The following HEXB variants were observed in gnomAD, a reference collection of about 807,000 sequenced individuals.
The protein encoded by HEXB is beta-hexosaminidase subunit beta.
Under a neutral mutation model 71.2 loss-of-function variants are expected in HEXB, and 51 were observed. The observed-to-expected ratio is 0.72, with a 90% CI of 0.57 to 0.90. The LOEUF (loss-of-function observed/expected upper bound fraction) is 0.90. HEXB is among the 40% of genes least tolerant of loss of function. The pLI is 0.00. For missense variants in HEXB, 617 were observed against 677.0 expected (o/e 0.91, Z 0.98); for synonymous variants, 266 against 249.3 (o/e 1.07, Z -0.63).
At chr5:74,666,402 G>T (rs1445716426) in intron 1 of HEXB, among the ~76,000 whole-genome samples, 4 of 152,238 alleles carry the variant, frequency 2.6e-5, no homozygotes, top group Non-Finnish European at 5.9e-5. Flanking sequence ...GGTCAAGTTG[G>T]CAGTGACATT....
chr5:74,691,713 A>G (rs367915320), intron 2 of HEXB, among the ~76,000 whole-genome samples: 93 of 152,336 alleles, frequency 6.1e-4, no homozygotes, highest in Middle Eastern at 6.8e-3. Flanking sequence ...AGGAAGGTAG[A>G]GGGAGTTAGG....
At chr5:74,696,365 C>T (rs1202148947) in intron 3 of HEXB, among the ~76,000 whole-genome samples, 1 of 152,022 alleles carries the variant, frequency 6.6e-6, no homozygotes, top group East Asian at 1.9e-4. Context: ...CTCATGATGC[C>T]ATAAATTTAT....
In HEXB at chr5:74,715,520, C is replaced by T. The variant is rs1198302326; in HGVS notation, c.912C>T (p.Asp304=). 6.2e-7 allele frequency: 1 copy of T among 1,608,772 alleles called. No homozygotes were observed. Among genetic ancestry groups the T allele is most frequent in the Non-Finnish European group, 8.5e-7 (1 of 1,175,224 alleles). ...AATATTTTCTTCTAGGTCAGAAAGA[C>T]CTCCTGACTCCATGTTACAGTAGAC... ...HTLSWGKGQK[D]LLTPCYSRQN... Residue 304 remains aspartate (D), a synonymous_variant, in exon 8 of 14, where the codon GAC becomes GAT. Coordinates refer to ENST00000261416, the MANE Select transcript of HEXB (RefSeq NM_000521.4).
At chr5:74,686,242 C>T (rs1748868851) in intron 1 of HEXB, among the ~76,000 whole-genome samples, 1 of 152,178 alleles carries the variant, frequency 6.6e-6, no homozygotes, top group African/African-American at 2.4e-5. Flanking sequence ...CTCTCTCACC[C>T]TTTGGCTGCA....
intron 1 of HEXB, among the ~76,000 whole-genome samples, chr5:74,651,637 C>A (rs1748112551): frequency 1.3e-5 from 2 of 152,144 alleles, no homozygotes; most frequent in Admixed American, 1.3e-4. Context: ...CCCAAATCTC[C>A]AAGCAAGGAC....
At position 74,664,430 on chromosome 5, in the gene HEXB, T is replaced by TAAA. The variant is rs397998152; in HGVS notation, c.-377+23893_-377+23895dup. Among the ~76,000 whole-genome samples, 65 of 79,648 alleles carry TAAA rather than the reference T, an allele frequency of 8.2e-4. 1 individual carries two copies. The highest frequency in any genetic ancestry group is 2.0e-3 in the African/African-American group (44 of 21,486). 52.3% of individuals were successfully genotyped at this position (79,648 alleles called of 152,430 possible). A position where few individuals can be genotyped will look rare whatever the true frequency, so the allele number is the denominator to read the frequency against. ...GGGCAATAGAGCAAGATTCTATCTCTAAAAAAAAAAAAAAAAAAAAAAACA... is the reference window on the plus strand; with the variant it reads ...GGGCAATAGAGCAAGATTCTATCTCTAAAAAAAAAAAAAAAAAAAAAAAAAACA... On this transcript the variant is annotated intron_variant, in intron 1 of 13. Transcript: ENST00000511181.
At chr5:74,712,605 C>T (rs1353259232) in intron 6 of HEXB, among the ~76,000 whole-genome samples, 1 of 152,154 alleles carries the variant, frequency 6.6e-6, no homozygotes, top group Non-Finnish European at 1.5e-5. Context: ...CAGGTCTGCT[C>T]TTCCCACCTT....
At chr5:74,665,120 C>T (rs1332964120) in intron 1 of HEXB, among the ~76,000 whole-genome samples, 1 of 151,984 alleles carries the variant, frequency 6.6e-6, no homozygotes, top group Non-Finnish European at 1.5e-5. Flanking sequence ...TAAAATGTCC[C>T]CAAATAAGAA....
intron 3 of HEXB, among the ~76,000 whole-genome samples, chr5:74,694,212 C>T (rs1395506727): frequency 6.6e-6 from 1 of 152,088 alleles, no homozygotes; most frequent in Non-Finnish European, 1.5e-5. Context: ...TTTGACCTCT[C>T]AAAAAATGTT....
At chr5:74,671,467 C>T (rs1041402518) in intron 1 of HEXB, among the ~76,000 whole-genome samples, 7 of 151,472 alleles carry the variant, frequency 4.6e-5, no homozygotes, top group Non-Finnish European at 8.8e-5. Context: ...AAAATGCAAA[C>T]TAACCTGTAG....
chr5:74,657,482 C>T (rs1039964579), intron 1 of HEXB, among the ~76,000 whole-genome samples: 14 of 152,184 alleles, frequency 9.2e-5, no homozygotes, highest in Admixed American at 3.3e-4. Flanking sequence ...CTTCACCCTG[C>T]TGGATTTTCC....
intron 1 of HEXB, among the ~76,000 whole-genome samples, chr5:74,654,710 G>C (rs1006367185): frequency 6.6e-6 from 1 of 152,176 alleles, no homozygotes; most frequent in Non-Finnish European, 1.5e-5. Context: ...AAGCCACAGG[G>C]AACCTCTGAA....
intron 5 of HEXB, among the ~76,000 whole-genome samples, chr5:74,704,925 C>T (rs918500014): frequency 6.6e-5 from 10 of 151,794 alleles, no homozygotes; most frequent in South Asian, 2.1e-4. Flanking sequence ...AACCCTGTTT[C>T]GACAAAAAAT....
rs779453450 is a variant in HEXB, at chr5:74,689,438, G to A, written c.410G>A (p.Cys137Tyr). 8.1e-6 allele frequency: 13 copies of A among 1,613,672 alleles called. No homozygotes were observed. The South Asian group carries it at 1.4e-4, about 18-fold the overall frequency. ...GTCTCAATCACCCTTCAGTCAGAGTGTGATGCTTTCCCCAACATATCTTCA... is the reference window on the plus strand; with the variant it reads ...GTCTCAATCACCCTTCAGTCAGAGTATGATGCTTTCCCCAACATATCTTCA... ...LLVSITLQSE[C>Y]DAFPNISSDE... The change falls in exon 2 of 14, where the codon TGT (cysteine) becomes TAT (tyrosine). Residue 137 changes from cysteine (C) to tyrosine (Y), a missense_variant. Coordinates refer to ENST00000261416, the MANE Select transcript of HEXB (RefSeq NM_000521.4).
intron 2 of HEXB, among the ~76,000 whole-genome samples, chr5:74,690,010 CT>C (rs11324226): frequency 0.9 from 137,222 of 152,114 alleles, 61,933 homozygotes; most frequent in Non-Finnish European, 0.92. Context: ...AATTTCTTAA[CT>C]TTTTGTCTTT....
At chr5:74,651,487 T>G (rs993561879) in intron 1 of HEXB, among the ~76,000 whole-genome samples, 6 of 152,186 alleles carry the variant, frequency 3.9e-5, no homozygotes, top group African/African-American at 9.7e-5. Context: ...TCAAATAAAT[T>G]TTCACCTTGG....
At chr5:74,666,884 G>A (rs1260119065) in intron 1 of HEXB, among the ~76,000 whole-genome samples, 1 of 152,160 alleles carries the variant, frequency 6.6e-6, no homozygotes, top group African/African-American at 2.4e-5. Flanking sequence ...ACATAATGGA[G>A]ACGTGTTCTT....
intron 1 of HEXB, among the ~76,000 whole-genome samples, chr5:74,679,798 CAAAAAAAAAAAAAAAA>C (rs70976121): frequency 1.0e-4 from 4 of 38,890 alleles, no homozygotes; most frequent in Admixed American, 4.4e-4. Context: ...GACTCCGTCT[CAAAAAAAAAAAAAAAA>C]AAAAAAAAAA....
intron 1 of HEXB, among the ~76,000 whole-genome samples, chr5:74,678,021 G>A (rs1049100134): frequency 6.6e-6 from 1 of 152,196 alleles, no homozygotes; most frequent in Non-Finnish European, 1.5e-5. Context: ...GTGCAGCCAG[G>A]AGCAGTGGCT....
Sources: allele counts gnomAD v4.1 joint callset (sites outside exome capture counted in the v4.1 genomes callset), GRCh38; gene constraint gnomAD v4.1.1; transcripts MANE v1.5; gene names NCBI Gene and HGNC (gene_info 2026-07-23, HGNC 2026-07-21).